NUP155: variants seen among roughly 807,000 people sequenced by gnomAD.
NUP155 encodes the protein nuclear pore complex protein Nup155.
Under a neutral mutation model 180.4 loss-of-function variants are expected in NUP155, and 71 were observed. The observed-to-expected ratio is 0.39, with a 90% CI of 0.33 to 0.48. The LOEUF is 0.48. Among genes scored for constraint, NUP155 ranks in the 20% least tolerant of loss-of-function variants. The pLI is 0.91. For synonymous variants in NUP155, 582 were observed against 559.5 expected, an observed-to-expected ratio of 1.04 and a Z score of -0.57; for missense variants, 1,553 against 1,648.9, an observed-to-expected ratio of 0.94 and a Z score of 1.01.
intron 21 of NUP155, among the ~76,000 whole-genome samples, chr5:37,315,901 T>C (rs760712177): frequency 7.9e-5 from 12 of 151,954 alleles, no homozygotes; most frequent in Admixed American, 3.3e-4. Context: ...GATCGCACCA[T>C]TGCACTCCAG....
intron 20 of NUP155, among the ~76,000 whole-genome samples, chr5:37,322,142 T>C (rs1373445094): frequency 6.6e-6 from 1 of 151,986 alleles, no homozygotes; most frequent in African/African-American, 2.4e-5. Flanking sequence ...GCATCAGCCA[T>C]CACGCCCGGC....
rs1185770398 is a variant in NUP155 at position 37,288,287 on chromosome 5, C to T, written c.*3613G>A. On this transcript the variant is annotated 3_prime_UTR_variant, in exon 35 of 35. Transcript: ENST00000231498. The stretch of plus-strand genomic sequence containing the variant: ...CTCTGTACCATGGTCATAATTTTTC[C>T]GTCTCATGAATAGGAGGAAAAATGA... The T allele has an allele frequency of 1.3e-5, 2 of 152,018 alleles. No homozygotes were observed. The highest frequency in any genetic ancestry group is 4.8e-5 in the African/African-American group (2 of 41,356). The allele number at this position is 152,018 out of a possible 1,614,324, so 9.4% of individuals were successfully genotyped here.
At chr5:37,334,930 C>T (rs955903775) in intron 12 of NUP155, among the ~76,000 whole-genome samples, 5 of 151,840 alleles carry the variant, frequency 3.3e-5, no homozygotes, top group African/African-American at 4.8e-5. Flanking sequence ...GAGGTGGAGG[C>T]GGGCGGTACC....
intron 8 of NUP155, among the ~76,000 whole-genome samples, 188 bp downstream of exon 8, chr5:37,348,984 G>A (rs986219426): frequency 2.6e-5 from 4 of 151,588 alleles, no homozygotes; most frequent in Non-Finnish European, 5.9e-5. Flanking sequence ...TCAAACTCCA[G>A]ACCTCAGGTG....
chr5:37,313,026 C>T (rs1179696168), intron 22 of NUP155, among the ~76,000 whole-genome samples: 1 of 152,164 alleles, frequency 6.6e-6, no homozygotes, highest in East Asian at 1.9e-4. Context: ...TATATTCTAT[C>T]TAACATTTAG....
At chr5:37,299,416 G>A (rs199794024) in intron 31 of NUP155, 32 bp downstream of exon 31, 7 of 1,612,956 alleles carry the variant, frequency 4.3e-6, no homozygotes, top group South Asian at 2.2e-5. Flanking sequence ...ACTACATAAC[G>A]TATGCTAACA....
intron 32 of NUP155, among the ~76,000 whole-genome samples, chr5:37,295,300 C>T (rs1171279707): frequency 1.3e-5 from 2 of 152,224 alleles, no homozygotes; most frequent in African/African-American, 2.4e-5. Flanking sequence ...CCGCCAGCCT[C>T]GGCCTCCAGA....
At position 37,292,934 on chromosome 5, in the gene NUP155, G is replaced by C. The variant is rs140930836; in HGVS notation, c.3982C>G (p.His1328Asp). ...TCAACATATCTTATCAATAATACAT[G>C]TATACAATCCAAAAGGTGCAGTGGC... ...KKPLHLLDCI[H>D]VLLIRYVENP... is the part of the protein sequence containing the mutation. Residue 1328 changes from histidine (H) to aspartate (D), a missense_variant, in exon 34 of 35, where the codon CAT becomes GAT. His to Asp is a moderately conservative substitution (Grantham distance 81). Transcript: ENST00000231498. 2.4e-5 allele frequency: 38 copies of C among 1,612,370 alleles called. No homozygotes were observed. Among genetic ancestry groups the C allele is most frequent in the Non-Finnish European group, 2.8e-5 (33 of 1,178,932 alleles).
intron 3 of NUP155, among the ~76,000 whole-genome samples, chr5:37,362,377 C>G (rs1027550351): frequency 5.9e-5 from 9 of 152,122 alleles, no homozygotes; most frequent in South Asian, 2.1e-4. Flanking sequence ...CAACCTCCGC[C>G]TCCCAGGTTC....
chr5:37,359,561 A>C (rs573702547), intron 3 of NUP155, among the ~76,000 whole-genome samples: 1 of 152,258 alleles, frequency 6.6e-6, no homozygotes, highest in African/African-American at 2.4e-5. Flanking sequence ...GAAAAAGGCA[A>C]TTCCCCATAT....
At chr5:37,370,782 A>G in intron 1 of NUP155, 39 bp downstream of exon 1, 1 of 1,613,994 alleles carries the variant, frequency 6.2e-7, no homozygotes, top group South Asian at 1.1e-5. Context: ...GTCAGGCGAG[A>G]GTCCTTTAGG....
intron 6 of NUP155, among the ~76,000 whole-genome samples, chr5:37,350,748 A>C (rs10214352): frequency 0.055 from 8,217 of 150,090 alleles, 715 homozygotes; most frequent in African/African-American, 0.18. Flanking sequence ...GGTTGCAGTG[A>C]GCTAAGATTC....
intron 22 of NUP155, among the ~76,000 whole-genome samples, chr5:37,313,659 C>T (rs927272067): frequency 6.6e-6 from 1 of 151,964 alleles, no homozygotes; most frequent in Non-Finnish European, 1.5e-5. Flanking sequence ...TGCCACCACA[C>T]TTGACTAATT....
At position 37,348,552 on chromosome 5, in the gene NUP155, G is replaced by A. The variant is rs773054485; in HGVS notation, c.948C>T (p.Ala316=). ...GQDGQGMSRV[A]SVSQNAIVSA... is the part of the protein sequence containing the mutation. ...AGACAATGGCATTCTGTGACACAGAGGCAACTCTGCTCATTCCTTGTCCAT... is the reference window on the plus strand; with the variant it reads ...AGACAATGGCATTCTGTGACACAGAAGCAACTCTGCTCATTCCTTGTCCAT... Residue 316 remains alanine, a synonymous_variant, in exon 9 of 35, where the codon GCC becomes GCT. Coordinates refer to ENST00000231498, the MANE Select transcript of NUP155 (RefSeq NM_153485.3). The A allele has an allele frequency of 5.0e-6, 8 of 1,612,924 alleles. No individual in the cohort carries two copies. The African/African-American group carries it at 8.0e-5, about 16-fold the overall frequency.
At chr5:37,355,365 G>A (rs1052043853) in intron 4 of NUP155, among the ~76,000 whole-genome samples, 6 of 151,520 alleles carry the variant, frequency 4.0e-5, no homozygotes, top group South Asian at 2.1e-4. Context: ...AAAATTAGCC[G>A]GGAATGGTGG....
intron 20 of NUP155, among the ~76,000 whole-genome samples, chr5:37,323,322 A>C (rs369849760): frequency 6.6e-6 from 1 of 152,178 alleles, no homozygotes; most frequent in African/African-American, 2.4e-5. Flanking sequence ...AGGAATGCTC[A>C]TATCAGCATT....
chr5:37,295,127 G>A (rs909897111), intron 32 of NUP155, among the ~76,000 whole-genome samples: 2 of 152,072 alleles, frequency 1.3e-5, no homozygotes, highest in Admixed American at 6.5e-5. Flanking sequence ...CTGCTATCTC[G>A]GCTCACTGCA....
Position 37,329,254 on chromosome 5 carries a change from T to C in NUP155, c.1749A>G (p.Arg583=). The change falls in exon 16 of 35, where the codon AGA becomes AGG. Residue 583 remains arginine (R), a synonymous_variant. Transcript: ENST00000231498. ...FFRYGGEAQM[R]FPTTLPPPSN... is the part of the protein sequence containing the mutation. ...TTGGAGGCGGAAGAGTGGTTGGAAATCTCATCTGTGCTTCACCACCATACC... is the reference window on the plus strand; with the variant it reads ...TTGGAGGCGGAAGAGTGGTTGGAAACCTCATCTGTGCTTCACCACCATACC... The C allele has an allele frequency of 1.2e-6, 2 of 1,613,856 alleles. No homozygotes were observed. The highest frequency in any genetic ancestry group is 8.5e-7 in the Non-Finnish European group (1 of 1,179,828).
intron 22 of NUP155, among the ~76,000 whole-genome samples, chr5:37,312,332 T>C (rs970689772): frequency 3.3e-5 from 5 of 149,596 alleles, no homozygotes; most frequent in Admixed American, 6.7e-5. Context: ...TTATAGAAAA[T>C]GCAGGAGATA....
Sources: allele counts gnomAD v4.1 joint callset (sites outside exome capture counted in the v4.1 genomes callset), GRCh38; gene constraint gnomAD v4.1.1; transcripts MANE v1.5; gene names NCBI Gene and HGNC (gene_info 2026-07-23, HGNC 2026-07-21).